The following PHF21A variants were observed in gnomAD, a reference collection of about 807,000 sequenced individuals.
PHF21A encodes the protein PHD finger protein 21A, also known as BHC80a.
PHF21A carries 11 observed loss-of-function variants against 82.5 expected under a neutral mutation model. The observed-to-expected ratio is 0.13, with a 90% CI of 0.08 to 0.22. The LOEUF is 0.22. Ranked by LOEUF, PHF21A falls within the 10% of genes least tolerant of loss-of-function variation. PHF21A has a pLI of 1.00. For missense variants in PHF21A, 579 were observed against 837.8 expected, an observed-to-expected ratio of 0.69 and a Z score of 3.81; for synonymous variants, 297 against 302.8, an observed-to-expected ratio of 0.98 and a Z score of 0.20.
intron 1 of PHF21A, among the ~76,000 whole-genome samples, chr11:46,101,780 C>T (rs1176671913): frequency 6.6e-6 from 1 of 151,992 alleles, no homozygotes. Flanking sequence ...GGACTACAGG[C>T]ACATGCCACC....
At chr11:46,119,503 T>C (rs1852375539) in intron 1 of PHF21A, among the ~76,000 whole-genome samples, 2 of 152,004 alleles carry the variant, frequency 1.3e-5, no homozygotes, top group African/African-American at 2.4e-5. Flanking sequence ...GACACCAGAT[T>C]CACCAATGAA....
At chr11:45,963,835 C>G (rs2093267636) in intron 10 of PHF21A, among the ~76,000 whole-genome samples, 1 of 152,184 alleles carries the variant, frequency 6.6e-6, no homozygotes, top group African/African-American at 2.4e-5. Context: ...GCATCTGACT[C>G]TCAGTAGTTT....
chr11:45,997,052 A>G (rs1226679387), intron 6 of PHF21A, among the ~76,000 whole-genome samples: 1 of 152,246 alleles, frequency 6.6e-6, no homozygotes, highest in Non-Finnish European at 1.5e-5. Context: ...GAGATATAAA[A>G]CTATCACAAA....
intron 6 of PHF21A, among the ~76,000 whole-genome samples, chr11:45,993,876 G>T (rs911550287): frequency 6.6e-6 from 1 of 151,918 alleles, no homozygotes; most frequent in Non-Finnish European, 1.5e-5. Context: ...CTGTTACACC[G>T]ACAGTGCCTA....
chr11:45,939,771 CAAAAAAAAAAA>C (rs56931455), intron 15 of PHF21A, among the ~76,000 whole-genome samples: 4 of 60,386 alleles, frequency 6.6e-5, no homozygotes, highest in African/African-American at 2.0e-4. Flanking sequence ...GAACATAGCC[CAAAAAAAAAAA>C]AAAAAAAAAA....
intron 6 of PHF21A, among the ~76,000 whole-genome samples, chr11:46,013,856 A>C (rs1205729340): frequency 6.6e-6 from 1 of 152,184 alleles, no homozygotes; most frequent in Non-Finnish European, 1.5e-5. Flanking sequence ...AAAAACGGTA[A>C]ACCAGCTTGC....
intron 7 of PHF21A, among the ~76,000 whole-genome samples, chr11:45,974,560 C>A (rs1053380727): frequency 1.3e-5 from 2 of 151,852 alleles, no homozygotes; most frequent in African/African-American, 2.4e-5. Flanking sequence ...CTCAAGTAAT[C>A]CTCCCATCTC....
At position 45,930,871 on chromosome 11, in the gene PHF21A, C is replaced by T. The variant is rs114914523; in HGVS notation, c.*3097G>A. 2,524 of 150,240 alleles carry T rather than the reference C, an allele frequency of 0.017. 77 individuals are homozygous for T. The highest frequency in any genetic ancestry group is 0.059 in the African/African-American group (2,374 of 40,440). The allele number at this position is 150,240 out of a possible 1,614,324, so 9.3% of individuals were successfully genotyped here. On this transcript the variant is annotated 3_prime_UTR_variant, in exon 19 of 19. Transcript: ENST00000676320. Reference sequence around the variant, plus strand: ...GCAAGTGGAGGTGGCTGGGGTGGGGCAGTGTCACGAGCGTATGTCTCAGGT... The same window carrying T: ...GCAAGTGGAGGTGGCTGGGGTGGGGTAGTGTCACGAGCGTATGTCTCAGGT...
intron 6 of PHF21A, among the ~76,000 whole-genome samples, chr11:46,066,331 C>T (rs1023057661): frequency 6.6e-6 from 1 of 152,068 alleles, no homozygotes; most frequent in Admixed American, 6.5e-5. Context: ...TATGTACATA[C>T]ATATAAATAT....
At chr11:45,940,403 T>G (rs1407397660) in intron 15 of PHF21A, among the ~76,000 whole-genome samples, 1 of 151,906 alleles carries the variant, frequency 6.6e-6, no homozygotes, top group Non-Finnish European at 1.5e-5. Context: ...ACCATGTTGG[T>G]CAGGCTGGTC....
intron 7 of PHF21A, among the ~76,000 whole-genome samples, chr11:45,978,711 C>A (rs1055486845): frequency 6.6e-6 from 1 of 152,204 alleles, no homozygotes; most frequent in African/African-American, 2.4e-5. Flanking sequence ...TAGCTTTCAA[C>A]AGAGTCATAA....
chr11:46,089,092 C>A (rs1471724622), intron 3 of PHF21A, among the ~76,000 whole-genome samples: 1 of 152,126 alleles, frequency 6.6e-6, no homozygotes, highest in Non-Finnish European at 1.5e-5. Context: ...GTTCTCTATA[C>A]CATGCATTTA....
At chr11:46,106,261 T>C (rs1178440173) in intron 1 of PHF21A, among the ~76,000 whole-genome samples, 1 of 152,246 alleles carries the variant, frequency 6.6e-6, no homozygotes, top group Non-Finnish European at 1.5e-5. Flanking sequence ...ATTATTTCTT[T>C]ATACCAAGTT....
At chr11:46,058,792 A>G (rs929317426) in intron 6 of PHF21A, among the ~76,000 whole-genome samples, 1 of 152,200 alleles carries the variant, frequency 6.6e-6, no homozygotes, top group African/African-American at 2.4e-5. Flanking sequence ...CAAAATCTGG[A>G]ACAAGAACAA....
intron 1 of PHF21A, chr11:46,120,321 G>A (rs1203438828): frequency 1.9e-5 from 1 of 53,500 alleles, no homozygotes; most frequent in Non-Finnish European, 3.4e-5. Flanking sequence ...GGGGGGGATG[G>A]AGGAGCCCCA....
At chr11:46,043,430 T>C (rs1477723074) in intron 6 of PHF21A, among the ~76,000 whole-genome samples, 1 of 152,188 alleles carries the variant, frequency 6.6e-6, no homozygotes, top group Non-Finnish European at 1.5e-5. Context: ...CTGGTTAACA[T>C]ACTACCTTCT....
At position 45,978,068 on chromosome 11, in the gene PHF21A, G is replaced by A. The variant is rs147175458; in HGVS notation, c.360+1692C>T. On this transcript the variant is annotated intron_variant, in intron 7 of 18. Transcript: ENST00000676320. Reference sequence around the variant, plus strand: ...TGTAATCCTAGCACTTTGGGAGGCCGAGGCGGGCAGACCACGAGGTCAGGA... The same window carrying A: ...TGTAATCCTAGCACTTTGGGAGGCCAAGGCGGGCAGACCACGAGGTCAGGA... 8.5e-3 allele frequency among the ~76,000 whole-genome samples: 1,301 copies of A among 152,174 alleles called. 21 individuals are homozygous for A. The highest frequency in any genetic ancestry group is 0.029 in the African/African-American group (1,214 of 41,518).
chr11:45,972,257 T>G lies in PHF21A; in HGVS notation c.361-890A>C, dbSNP rs187626192. Among the ~76,000 whole-genome samples, 333 of 152,252 alleles carry G rather than the reference T, an allele frequency of 2.2e-3. 5 individuals are homozygous for G. In the East Asian group the frequency reaches 0.034, roughly 16 times the overall value. ...TTGCAGCTTTGAAGCTGTACTTTTCTAGACTTTTTACTAGAATAATTAAAG... is the reference window on the plus strand; with the variant it reads ...TTGCAGCTTTGAAGCTGTACTTTTCGAGACTTTTTACTAGAATAATTAAAG... On this transcript the variant is annotated intron_variant, in intron 7 of 18. Coordinates refer to ENST00000676320, the MANE Select transcript of PHF21A (RefSeq NM_001352027.3).
intron 4 of PHF21A, 96 bp from the exon 5 acceptor site, chr11:46,079,262 C>T: frequency 1.2e-6 from 1 of 833,472 alleles, no homozygotes. Context: ...TTTAAGTTAA[C>T]ACAAAAAAAA....
Sources: allele counts gnomAD v4.1 joint callset (sites outside exome capture counted in the v4.1 genomes callset), GRCh38; gene constraint gnomAD v4.1.1; transcripts MANE v1.5; gene names NCBI Gene and HGNC (gene_info 2026-07-23, HGNC 2026-07-21).